DPP6: variants seen among roughly 807,000 people sequenced by gnomAD.
DPP6 encodes the protein dipeptidyl peptidase like 6.
Under a neutral mutation model 122.6 loss-of-function variants are expected in DPP6, and 69 were observed. That is an observed-to-expected ratio of 0.56 (90% confidence interval 0.46 to 0.69). DPP6 has a LOEUF of 0.69. Ranked by LOEUF, DPP6 falls within the 30% of genes least tolerant of loss-of-function variation. The pLI is 0.00. For synonymous variants in DPP6, 418 were observed against 433.1 expected (o/e 0.97, Z 0.43); for missense variants, 928 against 1,116.9 (o/e 0.83, Z 2.41).
chr7:154,623,579 A>G (rs9642627), intron 5 of DPP6, among the ~76,000 whole-genome samples: 3 of 64,262 alleles, frequency 4.7e-5, no homozygotes, highest in African/African-American at 8.9e-5. Flanking sequence ...ACACACACGC[A>G]CGCACACGCG....
chr7:153,822,179 ATCTTTTTTT>A, the DPP6 span, among the ~76,000 whole-genome samples: 3 of 95,168 alleles, frequency 3.2e-5, no homozygotes, highest in Non-Finnish European at 4.1e-5. Context: ...AAGGGGGGGA[ATCTTTTTTT>A]TTTTTTTTTT....
At chr7:154,068,890 T>C (rs1364996647) in intron 1 of DPP6, among the ~76,000 whole-genome samples, 1 of 65,074 alleles carries the variant, frequency 1.5e-5, no homozygotes, top group Non-Finnish European at 3.0e-5. Context: ...AGTCTGATGA[T>C]TGGAAATTAA....
chr7:154,117,663 C>T (rs1410977936), intron 1 of DPP6, among the ~76,000 whole-genome samples: 1 of 152,136 alleles, frequency 6.6e-6, no homozygotes, highest in African/African-American at 2.4e-5. Context: ...TGTCAAATGT[C>T]GTGAGCTTAG....
intron 16 of DPP6, among the ~76,000 whole-genome samples, chr7:154,840,657 A>C (rs1414057967): frequency 6.6e-6 from 1 of 152,222 alleles, no homozygotes; most frequent in East Asian, 1.9e-4. Context: ...CTCATACGGA[A>C]TATACAACTT....
At chr7:153,969,067 T>A (rs1052160066) in intron 1 of DPP6, among the ~76,000 whole-genome samples, 6 of 151,114 alleles carry the variant, frequency 4.0e-5, no homozygotes, top group African/African-American at 1.5e-4. Context: ...TGAATATTTG[T>A]GTACGTGCTT....
At chr7:154,435,260 C>T (rs983474482) in intron 1 of DPP6, among the ~76,000 whole-genome samples, 40 of 151,858 alleles carry the variant, frequency 2.6e-4, no homozygotes, top group African/African-American at 9.7e-4. Context: ...AGAAGGAGGA[C>T]GAGAGAGAAA....
rs558153868 is a variant in DPP6 at position 154,877,742 on chromosome 7, C to T, written c.2078+1642C>T. On this transcript the variant is annotated intron_variant, in intron 20 of 25. Transcript: ENST00000377770. This position sits in a 1 kb window ranked among gnomAD's most constrained non-coding sequence, Gnocchi z 5.2. ...CCTCTCCTTCCATCTCCCTGGCCCT[C>T]CCCTGCCCATTCCAGAACCTGCCAC... Among the ~76,000 whole-genome samples, 568 of 152,346 alleles carry T rather than the reference C, an allele frequency of 3.7e-3. 1 individual carries two copies. The highest frequency in any genetic ancestry group is 6.6e-3 in the Non-Finnish European group (446 of 68,028).
In DPP6 at chr7:154,578,185, T is replaced by C. The variant is rs994120604; in HGVS notation, c.627+11269T>C. ...TTGTCTTCTGCTCAACTAAAATTAT[T>C]GTTTTTATGATGCCAAATAGACTTT... On this transcript the variant is annotated intron_variant, in intron 5 of 25. Coordinates refer to ENST00000377770, the MANE Select transcript of DPP6 (RefSeq NM_130797.4). Among the ~76,000 whole-genome samples, 348 of 152,294 alleles carry C rather than the reference T, an allele frequency of 2.3e-3. 1 individual carries two copies. The highest frequency in any genetic ancestry group is 8.0e-3 in the African/African-American group (334 of 41,544).
chr7:154,595,593 A>G (rs1833045854), intron 5 of DPP6, among the ~76,000 whole-genome samples: 3 of 152,188 alleles, frequency 2.0e-5, no homozygotes, highest in East Asian at 1.9e-4. Flanking sequence ...TTCACATACC[A>G]TTGTCGAGGA....
intron 1 of DPP6, among the ~76,000 whole-genome samples, chr7:154,145,513 G>A (rs1025441016): frequency 2.0e-5 from 3 of 151,998 alleles, no homozygotes; most frequent in African/African-American, 7.2e-5. Flanking sequence ...ACTGGAACTG[G>A]AAGATAATGC....
At position 153,913,609 on chromosome 7, in the gene DPP6, G is replaced by A. The variant is rs77611034; in HGVS notation, c.51+25875G>A. Among the ~76,000 whole-genome samples the A allele has an allele frequency of 2.2e-3, 324 of 150,148 alleles. 12 individuals are homozygous for A. In the East Asian group the frequency reaches 0.055, roughly 25 times the overall value. Reference sequence around the variant, plus strand: ...TTCCCCTGATAAATATTCAGTATTTGAGGAAATCATCACATCTCCCTTTAG... The same window carrying A: ...TTCCCCTGATAAATATTCAGTATTTAAGGAAATCATCACATCTCCCTTTAG... On this transcript the variant is annotated intron_variant, in intron 1 of 25. Transcript: ENST00000404039.
At chr7:154,215,945 C>T (rs1799971210) in intron 1 of DPP6, among the ~76,000 whole-genome samples, 2 of 152,060 alleles carry the variant, frequency 1.3e-5, no homozygotes, top group South Asian at 2.1e-4. Context: ...CTATCTTATA[C>T]TAGATACGTA....
At chr7:154,842,847 C>A (rs556706053) in intron 16 of DPP6, among the ~76,000 whole-genome samples, 1 of 152,312 alleles carries the variant, frequency 6.6e-6, no homozygotes, top group African/African-American at 2.4e-5. Context: ...TATCAGCAGG[C>A]GTGCCATTGT....
At chr7:154,450,812 A>C (rs1394530303) in intron 2 of DPP6, among the ~76,000 whole-genome samples, 5 of 152,214 alleles carry the variant, frequency 3.3e-5, no homozygotes, top group Admixed American at 1.3e-4. Flanking sequence ...TAACCACTAC[A>C]TATTTCTAAC....
chr7:154,264,218 T>G (rs1183301331), intron 1 of DPP6, among the ~76,000 whole-genome samples: 1 of 152,222 alleles, frequency 6.6e-6, no homozygotes, highest in Non-Finnish European at 1.5e-5. Context: ...ATTCTCATTA[T>G]GTGTAATGCA....
rs1051410813 is a variant in DPP6, at chr7:154,760,895, T to C, written c.884-8522T>C. Among the ~76,000 whole-genome samples, 4 of 150,576 alleles carry C rather than the reference T, an allele frequency of 2.7e-5. No individual in the cohort carries two copies. Among genetic ancestry groups the C allele is most frequent in the South Asian group, 2.1e-4 (1 of 4,776 alleles). ...TGTCGCCCAGGCTTGAGTGCAATGGTGCAATCTCGACTCACTGCAACCTCC... is the reference window on the plus strand; with the variant it reads ...TGTCGCCCAGGCTTGAGTGCAATGGCGCAATCTCGACTCACTGCAACCTCC... On this transcript the variant is annotated intron_variant, in intron 8 of 25. Coordinates refer to ENST00000377770, the MANE Select transcript of DPP6 (RefSeq NM_130797.4). This position sits in a 1 kb window ranked among gnomAD's most constrained non-coding sequence, Gnocchi z 4.5.
At chr7:154,690,670 C>T (rs1029806062) in intron 7 of DPP6, among the ~76,000 whole-genome samples, 1 of 152,158 alleles carries the variant, frequency 6.6e-6, no homozygotes, top group Non-Finnish European at 1.5e-5. Context: ...ATATCTTCTC[C>T]CCATCTTCCC....
At chr7:154,256,971 T>TTTTTTC (rs888808867) in intron 1 of DPP6, among the ~76,000 whole-genome samples, 3 of 150,384 alleles carry the variant, frequency 2.0e-5, no homozygotes, top group Admixed American at 6.7e-5. Flanking sequence ...CCTTGGGTTC[T>TTTTTTC]TTTTTCTTTT....
intron 6 of DPP6, among the ~76,000 whole-genome samples, chr7:154,656,656 G>A (rs1332748309): frequency 6.6e-6 from 1 of 152,126 alleles, no homozygotes; most frequent in Non-Finnish European, 1.5e-5. Flanking sequence ...CACTGGATTG[G>A]ACCAAGACCG....
Sources: allele counts gnomAD v4.1 joint callset (sites outside exome capture counted in the v4.1 genomes callset), GRCh38; gene constraint gnomAD v4.1.1; non-coding constraint Gnocchi (gnomAD v3.1); transcripts MANE v1.5; gene names NCBI Gene and HGNC (gene_info 2026-07-23, HGNC 2026-07-21).